The following PTPRB variants were observed in gnomAD, a reference collection of about 807,000 sequenced individuals.
PTPRB encodes the protein protein tyrosine phosphatase receptor type B.
Under a neutral mutation model 238.1 loss-of-function variants are expected in PTPRB, and 97 were observed. The ratio of observed to expected loss-of-function variants is 0.41; its 90% CI spans 0.35 to 0.48. The LOEUF (loss-of-function observed/expected upper bound fraction) is 0.48. Ranked by LOEUF, PTPRB falls within the 20% of genes least tolerant of loss-of-function variation. The pLI is 0.30. For synonymous variants in PTPRB, 970 were observed against 995.4 expected (o/e 0.97, Z 0.48); for missense variants, 2,292 against 2,681.9 (o/e 0.85, Z 3.21).
At chr12:70,626,329 ATCT>A (rs1885186396) in intron 2 of PTPRB, among the ~76,000 whole-genome samples, 3 of 142,110 alleles carry the variant, frequency 2.1e-5, no homozygotes, top group African/African-American at 8.7e-5. Flanking sequence ...CTATCTATCT[ATCT>A]ATCTATCTAT....
chr12:70,522,869 T>TC (rs1217600620), intron 33 of PTPRB, among the ~76,000 whole-genome samples: 1 of 146,542 alleles, frequency 6.8e-6, no homozygotes, highest in African/African-American at 2.5e-5. Context: ...TTTTCTTTTT[T>TC]TTTTTTTTTT....
chr12:70,594,628 A>G lies in PTPRB; in HGVS notation c.1355T>C (p.Leu452Pro). The G allele has an allele frequency of 6.2e-7, 1 of 1,614,024 alleles. No homozygotes were observed. The highest frequency in any genetic ancestry group is 8.5e-7 in the Non-Finnish European group (1 of 1,179,900). ...TAGGATCCCTTTATCCATTAGCATC[A>G]GCCGGTATCGTTCCACATTCCCAGA... Reference protein sequence around the residue: ...HGSGNVERYRLMLMDKGILVH... With the variant: ...HGSGNVERYRPMLMDKGILVH... The change falls in exon 6 of 34, where the codon CTG (leucine) becomes CCG (proline). Residue 452 changes from leucine (L) to proline (P), a missense_variant. This residue lies in a region of PTPRB where 1,205 missense variants were observed against 1,287.8 expected (regional missense o/e 0.94). Coordinates refer to ENST00000334414, the MANE Select transcript of PTPRB (RefSeq NM_001109754.4).
intron 32 of PTPRB, among the ~76,000 whole-genome samples, chr12:70,531,467 G>A (rs2136222023): frequency 6.6e-6 from 1 of 152,268 alleles, no homozygotes; most frequent in South Asian, 2.1e-4. Context: ...TACGCTTATA[G>A]CACAATCAAG....
intron 4 of PTPRB, 84 bp downstream of exon 4, chr12:70,608,985 G>A (rs1016395124): frequency 6.8e-7 from 1 of 1,473,302 alleles, no homozygotes; most frequent in Non-Finnish European, 9.3e-7. Context: ...TTGTATCCCT[G>A]GAACTCAAAT....
rs1046830218 is a variant in PTPRB, at chr12:70,566,593, A to C, written c.3746T>G (p.Leu1249Arg). Reference sequence around the variant, plus strand: ...GCGCAGAAGGATTCCATTTTCAGTTAGAAGCAGGATATCATATCTTTCTGC... The same window carrying C: ...GCGCAGAAGGATTCCATTTTCAGTTCGAAGCAGGATATCATATCTTTCTGC... The part of the protein sequence containing the change: ...GVAERYDILL[L>R]TENGILLRNT... Residue 1249 changes from leucine to arginine, a missense_variant, in exon 15 of 34, where the codon CTA becomes CGA. Around this residue, in one of 4 missense-constraint regions of PTPRB, gnomAD observed 683 missense variants for 862.0 expected, o/e 0.79. Transcript: ENST00000334414. 1.9e-6 allele frequency: 3 copies of C among 1,613,892 alleles called. No homozygotes were observed. The African/African-American group carries it at 4.0e-5, about 22-fold the overall frequency.
chr12:70,532,179 G>T lies in PTPRB; in HGVS notation c.6369-9C>A. The T allele has an allele frequency of 6.4e-7, 1 of 1,566,008 alleles. No homozygotes were observed. On this transcript the variant is annotated splice_polypyrimidine_tract_variant and intron_variant, in intron 31 of 33. Coordinates refer to ENST00000334414, the MANE Select transcript of PTPRB (RefSeq NM_001109754.4). ...TCCTACCCACACCAGCACTAGAAGAGATGGCAAAGGAAGATTGAGCCTTTT... is the reference window on the plus strand; with the variant it reads ...TCCTACCCACACCAGCACTAGAAGATATGGCAAAGGAAGATTGAGCCTTTT...
chr12:70,520,219 C>A lies in PTPRB; in HGVS notation c.*1270G>T. 2.1e-6 allele frequency: 1 copy of A among 479,226 alleles called. No homozygotes were observed. Among genetic ancestry groups the A allele is most frequent in the East Asian group, 5.9e-5 (1 of 17,040 alleles). 29.7% of individuals were successfully genotyped at this position (479,226 alleles called of 1,614,324 possible). The stretch of plus-strand genomic sequence containing the variant: ...CCCAGGAATGCTGTCGGAACTGGAC[C>A]TTGATGAAGGAAATACTTTCTGACT... On this transcript the variant is annotated 3_prime_UTR_variant, in exon 34 of 34. Transcript: ENST00000334414.
At chr12:70,636,300 T>A (rs1036465638) in intron 1 of PTPRB, among the ~76,000 whole-genome samples, 5 of 151,720 alleles carry the variant, frequency 3.3e-5, no homozygotes, top group Non-Finnish European at 7.4e-5. Flanking sequence ...TTTTTTTTTT[T>A]AATTTTCACA....
At position 70,590,057 on chromosome 12, in the gene PTPRB, C is replaced by T. The variant is rs1882318262; in HGVS notation, c.1957G>A (p.Asp653Asn). The change falls in exon 8 of 34, where the codon GAC becomes AAC. Residue 653 changes from aspartate (D) to asparagine (N), a missense_variant. Asp to Asn is a conservative substitution (Grantham distance 23, BLOSUM62 1). Around this residue, in one of 4 missense-constraint regions of PTPRB, gnomAD observed 1,205 missense variants for 1,287.8 expected, o/e 0.94. Coordinates refer to ENST00000334414, the MANE Select transcript of PTPRB (RefSeq NM_001109754.4). ...TGTCTTCCCGGTACGAGCCCCGTGTCATCCATGACATACTGTGTTTCTTCC... is the reference window on the plus strand; with the variant it reads ...TGTCTTCCCGGTACGAGCCCCGTGTTATCCATGACATACTGTGTTTCTTCC... The part of the protein sequence containing the change: ...GKEETQYVMD[D>N]TGLVPGRQYE... The T allele has an allele frequency of 6.2e-7, 1 of 1,613,874 alleles. No homozygotes were observed. The highest frequency in any genetic ancestry group is 1.1e-5 in the South Asian group (1 of 91,084).
intron 6 of PTPRB, among the ~76,000 whole-genome samples, chr12:70,593,086 C>T (rs759845631): frequency 1.1e-4 from 16 of 152,316 alleles, no homozygotes; most frequent in Admixed American, 5.2e-4. Flanking sequence ...TGTGATAAAA[C>T]TACTTTAATT....
At position 70,576,507 on chromosome 12, in the gene PTPRB, A is replaced by C. The variant is rs1208869653; in HGVS notation, c.2717T>G (p.Leu906Arg). The C allele has an allele frequency of 6.3e-7, 1 of 1,576,202 alleles. No individual in the cohort carries two copies. The highest frequency in any genetic ancestry group is 1.8e-5 in the Admixed American group (1 of 54,202). The change falls in exon 11 of 34, where the codon CTT becomes CGT. Residue 906 changes from leucine to arginine, a missense_variant. Transcript: ENST00000334414. ...LSHDGKVVQS[L>R]VIAKSVRECS... ...TTCTCTGACAGACTTGGCAATGACA[A>C]GGGACTGAACCACCTTGCCGTCATG...
chr12:70,613,440 T>C (rs1463381460), intron 3 of PTPRB, among the ~76,000 whole-genome samples: 2 of 152,054 alleles, frequency 1.3e-5, no homozygotes, highest in Admixed American at 1.3e-4. Flanking sequence ...TGACTTGCCC[T>C]AGAGCTCTTG....
intron 11 of PTPRB, 135 bp from the exon 12 acceptor site, chr12:70,572,222 A>T: frequency 2.2e-6 from 2 of 927,428 alleles, no homozygotes; most frequent in Non-Finnish European, 3.2e-6. Context: ...CTTAGACCTT[A>T]GGTTACAAAT....
intron 4 of PTPRB, chr12:70,608,840 C>A: frequency 1.6e-6 from 1 of 613,636 alleles, no homozygotes; most frequent in Admixed American, 3.2e-5. Context: ...CCACCCCGAC[C>A]CTTTCAGTAG....
At chr12:70,584,116 G>A (rs887787345) in intron 9 of PTPRB, among the ~76,000 whole-genome samples, 25 of 152,088 alleles carry the variant, frequency 1.6e-4, no homozygotes, top group Non-Finnish European at 3.5e-4. Flanking sequence ...ATGCTTAAAA[G>A]TGAACATAAC....
At chr12:70,630,463 T>G (rs1046620504) in intron 2 of PTPRB, among the ~76,000 whole-genome samples, 1 of 152,202 alleles carries the variant, frequency 6.6e-6, no homozygotes, top group South Asian at 2.1e-4. Context: ...GCCAATATCA[T>G]ACTGAATGGG....
At chr12:70,588,398 T>A (rs527591359) in intron 8 of PTPRB, among the ~76,000 whole-genome samples, 5 of 151,614 alleles carry the variant, frequency 3.3e-5, no homozygotes, top group South Asian at 2.1e-4. Flanking sequence ...CTTTGGGAGG[T>A]TGAGGCGGGT....
At chr12:70,597,512 C>G (rs1176650132) in intron 4 of PTPRB, among the ~76,000 whole-genome samples, 1 of 152,142 alleles carries the variant, frequency 6.6e-6, no homozygotes, top group Non-Finnish European at 1.5e-5. Flanking sequence ...GGGGCTGCCC[C>G]TACCCTGAGT....
chr12:70,612,225 T>C (rs573556106), intron 3 of PTPRB, among the ~76,000 whole-genome samples: 2 of 152,184 alleles, frequency 1.3e-5, no homozygotes, highest in African/African-American at 2.4e-5. Context: ...CCCATAAACA[T>C]GAGCATACTA....
Sources: gnomAD v4.1 joint callset for allele counts (sites outside exome capture counted in the v4.1 genomes callset) on GRCh38, gnomAD v4.1.1 for gene constraint, gnomAD v4.1.1 regional missense constraint, MANE v1.5 for transcripts, NCBI Gene and HGNC (gene_info 2026-07-23, HGNC 2026-07-21) for gene names.